Variants in C19orf18 observed in about 807,000 individuals in gnomAD.
C19orf18 encodes uncharacterized protein C19orf18.
Under a neutral mutation model 23.3 loss-of-function variants are expected in C19orf18, and 21 were observed. That is an observed-to-expected ratio of 0.90 (90% CI 0.64 to 1.30). The LOEUF (loss-of-function observed/expected upper bound fraction) is 1.30. Among genes scored for constraint, C19orf18 ranks in the 50% most tolerant of loss-of-function variants. C19orf18 has a pLI of 0.00. For synonymous variants in C19orf18, 96 were observed against 95.2 expected, an observed-to-expected ratio of 1.01 and a Z score of -0.05; for missense variants, 249 against 259.6, an observed-to-expected ratio of 0.96 and a Z score of 0.28.
chr19:57,967,553 G>C (rs1438627719), intron 3 of C19orf18, among the ~76,000 whole-genome samples: 1 of 151,398 alleles, frequency 6.6e-6, no homozygotes, highest in East Asian at 2.0e-4. Context: ...AGGAGTTCAA[G>C]ACCAGCCTGG....
chr19:57,968,232 T>A (rs889691494), intron 3 of C19orf18, among the ~76,000 whole-genome samples: 6 of 152,186 alleles, frequency 3.9e-5, no homozygotes, highest in African/African-American at 1.4e-4. Flanking sequence ...TTCCCAGTCA[T>A]GGGGGTTCCA....
chr19:57,974,338 G>A lies in C19orf18; in HGVS notation c.95C>T (p.Pro32Leu). The A allele has an allele frequency of 6.2e-7, 1 of 1,614,086 alleles. No homozygotes were observed. The highest frequency in any genetic ancestry group is 8.5e-7 in the Non-Finnish European group (1 of 1,180,018). Residue 32 changes from proline (P) to leucine (L), a missense_variant, in exon 1 of 6, where the codon CCC becomes CTC. Physicochemically the swap from Pro to Leu is moderately conservative, Grantham distance 98. Transcript: ENST00000314391. Reference sequence around the variant, plus strand: ...TGGTAAGCCTGTTATGTTTCCAGTGGGATGGAGTCCATCTGCATACGGCAA... The same window carrying A: ...TGGTAAGCCTGTTATGTTTCCAGTGAGATGGAGTCCATCTGCATACGGCAA... ...LCLPYADGLH[P>L]TGNITGLPGS...
At chr19:57,969,175 C>T (rs563136132) in intron 3 of C19orf18, among the ~76,000 whole-genome samples, 5 of 152,164 alleles carry the variant, frequency 3.3e-5, no homozygotes, top group African/African-American at 1.2e-4. Context: ...TAAACTTTTT[C>T]CTTCATGAAG....
Position 57,966,138 on chromosome 19 carries a change from C to T in C19orf18, c.371+392G>A, listed in dbSNP as rs567190465. Among the ~76,000 whole-genome samples the T allele has an allele frequency of 2.1e-3, 322 of 152,082 alleles. 4 individuals are homozygous for T. The highest frequency in any genetic ancestry group is 2.7e-3 in the Non-Finnish European group (182 of 67,986). On this transcript the variant is annotated intron_variant, in intron 4 of 5. Coordinates refer to ENST00000314391, the MANE Select transcript of C19orf18 (RefSeq NM_152474.5). ...GACTACAGGCACCCGCCACCACGCC[C>T]GGCTAATTTTTTGTATTTTTAGTAG...
At chr19:57,972,651 C>T (rs757605935) in intron 2 of C19orf18, 147 bp from the exon 3 acceptor site, 11 of 842,580 alleles carry the variant, frequency 1.3e-5, no homozygotes, top group Non-Finnish European at 2.0e-5. Context: ...TTAATACATT[C>T]CTCCCAATGC....
intron 4 of C19orf18, among the ~76,000 whole-genome samples, chr19:57,962,876 C>A (rs1271118009): frequency 3.3e-5 from 5 of 151,176 alleles, no homozygotes; most frequent in African/African-American, 1.2e-4. Flanking sequence ...AAACAAAAAA[C>A]TTTTAGGGTT....
intron 3 of C19orf18, among the ~76,000 whole-genome samples, chr19:57,967,713 T>C (rs1469947550): frequency 1.4e-5 from 2 of 145,406 alleles, no homozygotes; most frequent in Non-Finnish European, 3.0e-5. Context: ...GATTGCGCCA[T>C]TACACTCCAG....
At chr19:57,969,673 G>A (rs565909856) in intron 3 of C19orf18, among the ~76,000 whole-genome samples, 92 of 146,532 alleles carry the variant, frequency 6.3e-4, no homozygotes, top group African/African-American at 2.1e-3. Context: ...TTGGGAGGCC[G>A]AGCCGGGTGG....
At chr19:57,971,879 TCTTC>T (rs2072946878) in intron 3 of C19orf18, among the ~76,000 whole-genome samples, 1 of 152,176 alleles carries the variant, frequency 6.6e-6, no homozygotes, top group Admixed American at 6.5e-5. Context: ...GTATCAGGCT[TCTTC>T]CTTCATGACA....
chr19:57,960,683 A>C (rs2072862939), intron 5 of C19orf18, among the ~76,000 whole-genome samples: 1 of 152,140 alleles, frequency 6.6e-6, no homozygotes, highest in Non-Finnish European at 1.5e-5. Flanking sequence ...GTTTAACGGA[A>C]ACATGTTTTG....
chr19:57,969,178 T>C (rs1449255176), intron 3 of C19orf18, among the ~76,000 whole-genome samples: 3 of 152,092 alleles, frequency 2.0e-5, no homozygotes, highest in African/African-American at 7.2e-5. Context: ...ACTTTTTCCT[T>C]CATGAAGATC....
chr19:57,963,145 G>C (rs1011076053), intron 4 of C19orf18, among the ~76,000 whole-genome samples: 1 of 150,658 alleles, frequency 6.6e-6, no homozygotes, highest in Non-Finnish European at 1.5e-5. Flanking sequence ...TCCTGTCTCA[G>C]CCTCCCGAGT....
intron 4 of C19orf18, among the ~76,000 whole-genome samples, chr19:57,965,046 G>A (rs2072899228): frequency 6.6e-6 from 1 of 152,184 alleles, no homozygotes; most frequent in Admixed American, 6.6e-5. Flanking sequence ...CATTTCTAGT[G>A]AAAGGGAGAG....
chr19:57,962,019 T>G (rs2072876922), intron 4 of C19orf18, among the ~76,000 whole-genome samples: 1 of 150,596 alleles, frequency 6.6e-6, no homozygotes, highest in African/African-American at 2.4e-5. Context: ...TATCTCTCCC[T>G]TTCTCTTTCT....
chr19:57,973,508 G>A lies in C19orf18; in HGVS notation c.226+591C>T, dbSNP rs575707439. The stretch of plus-strand genomic sequence containing the variant: ...TGAGAGGCCGAGGCGGGCGGATCAT[G>A]AGGTCAGGAGATCAAGACCATCCTG... On this transcript the variant is annotated intron_variant, in intron 2 of 5. Transcript: ENST00000314391. 1.7e-3 allele frequency among the ~76,000 whole-genome samples: 257 copies of A among 152,152 alleles called. 4 individuals are homozygous for A. Among genetic ancestry groups the A allele is most frequent in the Middle Eastern group, 6.8e-3 (2 of 294 alleles).
At chr19:57,963,505 T>C (rs10420362) in intron 4 of C19orf18, among the ~76,000 whole-genome samples, 28,546 of 152,182 alleles carry the variant, frequency 0.19, 2,955 homozygotes, top group African/African-American at 0.28. Context: ...TATTTTTAAA[T>C]GCTTATTCTT....
chr19:57,974,518 A>C lies in C19orf18; in HGVS notation c.-86T>G, dbSNP rs1022061109. On this transcript the variant is annotated 5_prime_UTR_variant, in exon 1 of 6. In the 5' UTR this introduces an upstream ATG that the reference lacks. Coordinates refer to ENST00000314391, the MANE Select transcript of C19orf18 (RefSeq NM_152474.5). ...GCATCTGTCCTCTATTTATCTGAGGAATCAAGAAGTTCTACTCCCTTCAGA... is the reference window on the plus strand; with the variant it reads ...GCATCTGTCCTCTATTTATCTGAGGCATCAAGAAGTTCTACTCCCTTCAGA... 2.0e-5 allele frequency: 30 copies of C among 1,534,448 alleles called. No individual in the cohort carries two copies. In the African/African-American group the frequency reaches 4.0e-4, roughly 20 times the overall value.
In C19orf18 at chr19:57,961,560, T is replaced by A; in HGVS notation, c.372-9A>T. ...CAGCCTGTGCCAGTCGACTGGAGAA[T>A]GATATAAATGAATTTAGAAGCACAG... On this transcript the variant is annotated splice_polypyrimidine_tract_variant and intron_variant, in intron 4 of 5. Coordinates refer to ENST00000314391, the MANE Select transcript of C19orf18 (RefSeq NM_152474.5). 1 of 1,598,630 alleles carries A rather than the reference T, an allele frequency of 6.3e-7. No individual in the cohort carries two copies. The highest frequency in any genetic ancestry group is 8.5e-7 in the Non-Finnish European group (1 of 1,176,246).
chr19:57,968,181 G>A (rs2072921035), intron 3 of C19orf18, among the ~76,000 whole-genome samples: 1 of 152,354 alleles, frequency 6.6e-6, no homozygotes, highest in Non-Finnish European at 1.5e-5. Context: ...AGGGTGGAAG[G>A]AGTGAGACAG....
Sources: allele counts gnomAD v4.1 joint callset (sites outside exome capture counted in the v4.1 genomes callset), GRCh38; gene constraint gnomAD v4.1.1; transcripts MANE v1.5; gene names NCBI Gene and HGNC (gene_info 2026-07-23, HGNC 2026-07-21).